Variants in SPACA9 observed in about 807,000 individuals in gnomAD.
The protein encoded by SPACA9 is sperm acrosome associated 9.
Under a neutral mutation model 12.5 loss-of-function variants are expected in SPACA9, and 14 were observed. The observed-to-expected ratio is 1.12, with a 90% CI of 0.74 to 1.75. SPACA9 has a LOEUF of 1.75. Among genes scored for constraint, SPACA9 ranks in the 40% most tolerant of loss-of-function variants. The pLI, the probability that SPACA9 is intolerant of heterozygous loss-of-function variation, is 0.00. For synonymous variants in SPACA9, 111 were observed against 114.1 expected, an observed-to-expected ratio of 0.97 and a Z score of 0.17; for missense variants, 292 against 291.9, an observed-to-expected ratio of 1.00 and a Z score of 0.00.
At chr9:132,884,460 A>G (rs1844511354) in intron 2 of SPACA9, among the ~76,000 whole-genome samples, 1 of 152,152 alleles carries the variant, frequency 6.6e-6, no homozygotes, top group Non-Finnish European at 1.5e-5. Context: ...GACCAGAGGG[A>G]TCCTGTCCTT....
chr9:132,888,165 G>C lies in SPACA9; in HGVS notation c.348-125G>C. On this transcript the variant is annotated intron_variant, in intron 3 of 3. Transcript: ENST00000356311. The surrounding 1 kb of genome is among the most constrained non-coding windows in gnomAD (Gnocchi z 5.0). ...ATCTCTGGGGACAGAGCGCCTCAGCGTGCTGTGTGTCCAGTTCTAAAGCCT... is the reference window on the plus strand; with the variant it reads ...ATCTCTGGGGACAGAGCGCCTCAGCCTGCTGTGTGTCCAGTTCTAAAGCCT... The C allele has an allele frequency of 6.9e-7, 1 of 1,456,734 alleles. No individual in the cohort carries two copies. The highest frequency in any genetic ancestry group is 9.1e-7 in the Non-Finnish European group (1 of 1,093,198). 90.2% of individuals were successfully genotyped at this position (1,456,734 alleles called of 1,614,324 possible). A position where few individuals can be genotyped will look rare whatever the true frequency, so the allele number is the denominator to read the frequency against.
At chr9:132,883,520 G>A (rs113858963) in intron 1 of SPACA9, among the ~76,000 whole-genome samples, 40 of 152,068 alleles carry the variant, frequency 2.6e-4, no homozygotes, top group Admixed American at 3.3e-4. Flanking sequence ...ACACGCGTGC[G>A]TGTGTGTGTG....
intron 1 of SPACA9, among the ~76,000 whole-genome samples, chr9:132,881,115 C>T (rs1844412639): frequency 6.6e-6 from 1 of 151,738 alleles, no homozygotes; most frequent in African/African-American, 2.4e-5. Flanking sequence ...TGAGCTACCG[C>T]GCCCAGCCAG....
Position 132,888,168 on chromosome 9 carries a change from CTG to C in SPACA9, c.348-116_348-115del. The stretch of plus-strand genomic sequence containing the variant: ...TCTGGGGACAGAGCGCCTCAGCGTG[CTG>C]TGTGTCCAGTTCTAAAGCCTCCCCA... On this transcript the variant is annotated intron_variant, in intron 3 of 3. Transcript: ENST00000356311. The surrounding 1 kb of genome is among the most constrained non-coding windows in gnomAD (Gnocchi z 5.0). 2 of 1,467,386 alleles carry C rather than the reference CTG, an allele frequency of 1.4e-6. No homozygotes were observed. The highest frequency in any genetic ancestry group is 2.1e-4 in the Middle Eastern group (1 of 4,776). The allele number at this position is 1,467,386 out of a possible 1,614,324, so 90.9% of individuals were successfully genotyped here.
In SPACA9 at chr9:132,884,000, TC is replaced by T. The variant is rs749664212; in HGVS notation, c.55del (p.Gln19SerfsTer58). The T allele has an allele frequency of 1.9e-6, 3 of 1,613,986 alleles. No homozygotes were observed. Among genetic ancestry groups the T allele is most frequent in the Non-Finnish European group, 2.5e-6 (3 of 1,180,008 alleles). On this transcript the variant is annotated frameshift_variant, in exon 2 of 4. Coordinates refer to ENST00000356311, the MANE Select transcript of SPACA9 (RefSeq NM_001316897.2). LOFTEE classifies it high-confidence loss of function. Reference protein sequence around the residue: ...LRSIEQKYKLFQQQQLTFTAA... With the variant: ...LRSIEQKYKLXQQQQLTFTAA... ...AGCATCGAGCAGAAGTACAAGCTCT[TC>T]CAGCAGCAGCAGCTCACCTTCACCG...
chr9:132,883,516 G>A (rs1031870562), intron 1 of SPACA9, among the ~76,000 whole-genome samples: 5 of 152,096 alleles, frequency 3.3e-5, no homozygotes, highest in East Asian at 1.9e-4. Context: ...GTGTACACGC[G>A]TGCGTGTGTG....
At chr9:132,882,069 T>C (rs1229382433) in intron 1 of SPACA9, among the ~76,000 whole-genome samples, 2 of 152,090 alleles carry the variant, frequency 1.3e-5, no homozygotes, top group Non-Finnish European at 2.9e-5. Flanking sequence ...CTCCTTTCCA[T>C]AGGAGGTTGA....
At position 132,888,155 on chromosome 9, in the gene SPACA9, G is replaced by A. The variant is rs965288472; in HGVS notation, c.348-135G>A. 6 of 1,384,424 alleles carry A rather than the reference G, an allele frequency of 4.3e-6. No individual in the cohort carries two copies. The South Asian group carries it at 8.8e-5, about 20-fold the overall frequency. 85.8% of individuals were successfully genotyped at this position (1,384,424 alleles called of 1,614,324 possible). ...GTCTGCCAGAATCTCTGGGGACAGA[G>A]CGCCTCAGCGTGCTGTGTGTCCAGT... On this transcript the variant is annotated intron_variant, in intron 3 of 3. Coordinates refer to ENST00000356311, the MANE Select transcript of SPACA9 (RefSeq NM_001316897.2). This position sits in a 1 kb window ranked among gnomAD's most constrained non-coding sequence, Gnocchi z 5.0.
rs112646769 is a variant in SPACA9 at position 132,888,717 on chromosome 9, C to T, written c.*106C>T. On this transcript the variant is annotated 3_prime_UTR_variant, in exon 4 of 4. Transcript: ENST00000356311. This position sits in a 1 kb window ranked among gnomAD's most constrained non-coding sequence, Gnocchi z 5.0. ...CCATGGACCCTGCCACTTACTAACC[C>T]CAAGGGAATCAGCCAATATATTACT... 7.6e-6 allele frequency: 11 copies of T among 1,447,452 alleles called. No individual in the cohort carries two copies. The African/African-American group carries it at 8.6e-5, about 11-fold the overall frequency. The allele number at this position is 1,447,452 out of a possible 1,614,324, so 89.7% of individuals were successfully genotyped here. A position where few individuals can be genotyped will look rare whatever the true frequency, so the allele number is the denominator to read the frequency against.
intron 1 of SPACA9, 25 bp from the exon 2 acceptor site, chr9:132,883,886 A>G (rs1342529310): frequency 6.3e-7 from 1 of 1,577,188 alleles, no homozygotes. Context: ...CCAGGACCTC[A>G]TCACTATCCT....
intron 1 of SPACA9, among the ~76,000 whole-genome samples, chr9:132,882,281 G>A (rs536762310): frequency 1.7e-4 from 26 of 152,164 alleles, no homozygotes; most frequent in Non-Finnish European, 3.1e-4. Context: ...TCCAGGGATA[G>A]AGGCTCCATG....
At chr9:132,885,211 CA>C (rs1024703973) in intron 2 of SPACA9, among the ~76,000 whole-genome samples, 3 of 151,294 alleles carry the variant, frequency 2.0e-5, no homozygotes, top group South Asian at 2.1e-4. Context: ...TTTTTTAACT[CA>C]AAAAAATGTT....
rs373073298 is a variant in SPACA9, at chr9:132,888,364, T to C, written c.422T>C (p.Ile141Thr). The stretch of plus-strand genomic sequence containing the variant: ...CACTACGGCGGCGTGGTCAGCCTCA[T>C]CCCCCTCATCCTAGACTTAATGAAA... ...RNHYGGVVSL[I>T]PLILDLMKEW... The change falls in exon 4 of 4, where the codon ATC becomes ACC. Residue 141 changes from isoleucine (I) to threonine (T), a missense_variant. Physicochemically the swap from Ile to Thr is moderately conservative, Grantham distance 89. Coordinates refer to ENST00000356311, the MANE Select transcript of SPACA9 (RefSeq NM_001316897.2). This position sits in a 1 kb window ranked among gnomAD's most constrained non-coding sequence, Gnocchi z 5.0. 4 of 1,613,782 alleles carry C rather than the reference T, an allele frequency of 2.5e-6. No homozygotes were observed. The highest frequency in any genetic ancestry group is 3.4e-6 in the Non-Finnish European group (4 of 1,179,972).
intron 1 of SPACA9, among the ~76,000 whole-genome samples, chr9:132,879,643 G>A (rs1167881883): frequency 1.3e-5 from 2 of 152,248 alleles, no homozygotes; most frequent in African/African-American, 4.8e-5. Flanking sequence ...GAAGTTGGAG[G>A]ATTAGAACAA....
At chr9:132,884,452 C>G (rs966302310) in intron 2 of SPACA9, among the ~76,000 whole-genome samples, 2 of 152,174 alleles carry the variant, frequency 1.3e-5, no homozygotes, top group African/African-American at 4.8e-5. Flanking sequence ...TTACTGGTGA[C>G]CAGAGGGATC....
Position 132,887,285 on chromosome 9 carries a change from T to A in SPACA9, c.145-84T>A. 5 of 1,197,236 alleles carry A rather than the reference T, an allele frequency of 4.2e-6. No homozygotes were observed. The South Asian group carries it at 5.1e-5, about 12-fold the overall frequency. 74.2% of individuals were successfully genotyped at this position (1,197,236 alleles called of 1,614,324 possible). Reference sequence around the variant, plus strand: ...TCATGTAGGGTGGGAGGGAGTAGGGTGGGTGCTTCTGGACATTTGCACCAT... The same window carrying A: ...TCATGTAGGGTGGGAGGGAGTAGGGAGGGTGCTTCTGGACATTTGCACCAT... On this transcript the variant is annotated intron_variant, in intron 2 of 3. Transcript: ENST00000356311. This position sits in a 1 kb window ranked among gnomAD's most constrained non-coding sequence, Gnocchi z 5.4.
rs376020948 is a variant in SPACA9 at position 132,883,927 on chromosome 9, A to G, written c.-21A>G. On this transcript the variant is annotated 5_prime_UTR_variant, in exon 2 of 4. Transcript: ENST00000356311. The stretch of plus-strand genomic sequence containing the variant: ...TCCCCATAGATTCCTCTTCTCCTGT[A>G]AATGACCACAGAGGAAGACAATGAA... The G allele has an allele frequency of 5.0e-6, 8 of 1,613,216 alleles. No homozygotes were observed. In the African/African-American group the frequency reaches 5.3e-5, roughly 11 times the overall value.
In SPACA9 at chr9:132,888,213, T is replaced by A; in HGVS notation, c.348-77T>A. 1 of 1,547,848 alleles carries A rather than the reference T, an allele frequency of 6.5e-7. No individual in the cohort carries two copies. The highest frequency in any genetic ancestry group is 8.7e-7 in the Non-Finnish European group (1 of 1,146,028). On this transcript the variant is annotated intron_variant, in intron 3 of 3. Coordinates refer to ENST00000356311, the MANE Select transcript of SPACA9 (RefSeq NM_001316897.2). This position sits in a 1 kb window ranked among gnomAD's most constrained non-coding sequence, Gnocchi z 5.0. ...CCTCCCCAGGTGACTCTGCTGTGCCTGAGGTGTGGCAGCTGCTTGCCACGG... is the reference window on the plus strand; with the variant it reads ...CCTCCCCAGGTGACTCTGCTGTGCCAGAGGTGTGGCAGCTGCTTGCCACGG...
chr9:132,883,794 A>G, intron 1 of SPACA9, 117 bp from the exon 2 acceptor site: 1 of 798,378 alleles, frequency 1.3e-6, no homozygotes, highest in South Asian at 1.6e-5. Flanking sequence ...AGGCACTCAC[A>G]AGGCGCTCCA....
Sources: allele counts gnomAD v4.1 joint callset (sites outside exome capture counted in the v4.1 genomes callset), GRCh38; gene constraint gnomAD v4.1.1; non-coding constraint Gnocchi (gnomAD v3.1); transcripts MANE v1.5; gene names NCBI Gene and HGNC (gene_info 2026-07-23, HGNC 2026-07-21).